The following SLC17A6 variants were observed in gnomAD, a reference collection of about 807,000 sequenced individuals.
SLC17A6 encodes solute carrier family 17 member 6.
In SLC17A6, 35 loss-of-function variants were observed where a neutral mutation model predicts 67.1. The observed-to-expected ratio is 0.52, with a 90% CI of 0.40 to 0.69. SLC17A6 has a LOEUF of 0.69. Ranked by LOEUF, SLC17A6 falls within the 30% of genes least tolerant of loss-of-function variation. The pLI, the probability that SLC17A6 is intolerant of heterozygous loss-of-function variation, is 0.00. For synonymous variants in SLC17A6, 285 were observed against 252.3 expected (o/e 1.13, Z -1.23); for missense variants, 588 against 723.9 (o/e 0.81, Z 2.15).
chr11:22,367,938 A>C, intron 7 of SLC17A6, among the ~76,000 whole-genome samples: 1 of 152,160 alleles, frequency 6.6e-6, no homozygotes, highest in Admixed American at 6.5e-5. Context: ...GTTAATTTGA[A>C]CTTTTTTTAT....
intron 3 of SLC17A6, among the ~76,000 whole-genome samples, 197 bp downstream of exon 3, chr11:22,343,562 G>A (rs1020207957): frequency 6.6e-6 from 1 of 152,144 alleles, no homozygotes; most frequent in African/African-American, 2.4e-5. Context: ...ACGAATGTAG[G>A]CTCTCTGGGA....
At chr11:22,362,611 T>C (rs1297194919) in intron 5 of SLC17A6, 128 bp from the exon 6 acceptor site, 1 of 710,376 alleles carries the variant, frequency 1.4e-6, no homozygotes, top group East Asian at 2.7e-5. Context: ...GGAGGGTATG[T>C]GCATGGGTGT....
Position 22,347,957 on chromosome 11 carries a change from C to G in SLC17A6, c.458+4592C>G, listed in dbSNP as rs547743945. ...CTTGACTTTTTCTAAAGAAAAAATA[C>G]TTCTTTATTTGAGTAAGACACTTAG... On this transcript the variant is annotated intron_variant, in intron 3 of 11. Transcript: ENST00000263160. Among the ~76,000 whole-genome samples, 10 of 152,226 alleles carry G rather than the reference C, an allele frequency of 6.6e-5. 1 individual carries two copies. The Middle Eastern group carries it at 0.014, about 207-fold the overall frequency.
intron 3 of SLC17A6, among the ~76,000 whole-genome samples, chr11:22,349,824 G>C (rs2133863076): frequency 6.6e-6 from 1 of 152,298 alleles, no homozygotes; most frequent in South Asian, 2.1e-4. Flanking sequence ...ATGTGACAAA[G>C]GGAGGCATCC....
intron 4 of SLC17A6, among the ~76,000 whole-genome samples, chr11:22,360,534 C>G (rs574152414): frequency 2.9e-5 from 4 of 139,778 alleles, no homozygotes; most frequent in African/African-American, 7.6e-5. Context: ...CTTCCCCCCC[C>G]CCCAAAAAAA....
At chr11:22,370,401 C>A (rs753800525) in intron 8 of SLC17A6, among the ~76,000 whole-genome samples, 1 of 152,102 alleles carries the variant, frequency 6.6e-6, no homozygotes, top group Non-Finnish European at 1.5e-5. Context: ...ACTGAGAATA[C>A]AGGCAAAACA....
chr11:22,349,106 C>G (rs1590381103), intron 3 of SLC17A6, among the ~76,000 whole-genome samples: 1 of 152,108 alleles, frequency 6.6e-6, no homozygotes, highest in East Asian at 1.9e-4. Context: ...ATATTTTTTC[C>G]TCTCTACTTA....
At chr11:22,374,926 C>T (rs1255258203) in intron 9 of SLC17A6, 39 bp downstream of exon 9, 1 of 1,576,052 alleles carries the variant, frequency 6.3e-7, no homozygotes, top group Non-Finnish European at 8.6e-7. Context: ...GTTTTTAGTT[C>T]AATCAGTTTA....
intron 4 of SLC17A6, among the ~76,000 whole-genome samples, chr11:22,360,223 G>A (rs1363259275): frequency 6.6e-6 from 1 of 151,956 alleles, no homozygotes; most frequent in African/African-American, 2.4e-5. Context: ...AACTAATGTA[G>A]GAACAGAAAA....
chr11:22,351,555 C>A (rs936011098), intron 3 of SLC17A6, among the ~76,000 whole-genome samples: 3 of 151,928 alleles, frequency 2.0e-5, no homozygotes, highest in African/African-American at 7.3e-5. Context: ...GGTTATGGAC[C>A]CCAGGATGTC....
intron 9 of SLC17A6, 63 bp from the exon 10 acceptor site, chr11:22,375,919 G>C (rs1856227553): frequency 8.7e-7 from 1 of 1,147,992 alleles, no homozygotes; most frequent in Admixed American, 1.8e-5. Context: ...ATTTTTAGCA[G>C]TTTTGGCTCA....
intron 3 of SLC17A6, among the ~76,000 whole-genome samples, chr11:22,344,979 A>G (rs1855859913): frequency 6.6e-6 from 1 of 151,780 alleles, no homozygotes; most frequent in African/African-American, 2.4e-5. Context: ...ACTGCAGGAG[A>G]AAAAAAAATC....
At chr11:22,354,759 A>G (rs376150410) in intron 3 of SLC17A6, among the ~76,000 whole-genome samples, 4 of 152,232 alleles carry the variant, frequency 2.6e-5, no homozygotes, top group African/African-American at 9.6e-5. Flanking sequence ...TGATGTTGGC[A>G]AGTTATTTTT....
intron 3 of SLC17A6, among the ~76,000 whole-genome samples, chr11:22,344,670 A>G (rs2133859624): frequency 6.6e-6 from 1 of 152,264 alleles, no homozygotes. Flanking sequence ...AAATCAATTT[A>G]TTGTGTATAT....
chr11:22,343,078 T>TG, intron 2 of SLC17A6, 169 bp from the exon 3 acceptor site: 1 of 700,920 alleles, frequency 1.4e-6, no homozygotes, highest in Non-Finnish European at 2.6e-6. Context: ...CAGGGTTTTT[T>TG]CGTTGCAAGA....
rs756854115 is a variant in SLC17A6 at position 22,377,741 on chromosome 11, C to G, written c.*1C>G. 6.5e-7 allele frequency: 1 copy of G among 1,541,562 alleles called. No homozygotes were observed. Among genetic ancestry groups the G allele is most frequent in the South Asian group, 1.3e-5 (1 of 79,926 alleles). On this transcript the variant is annotated 3_prime_UTR_variant, in exon 12 of 12. Transcript: ENST00000263160. The stretch of plus-strand genomic sequence containing the variant: ...TAAGGACCGAGTTGATTATTCATAA[C>G]AAAACTAATTACTGGATTTATTTTT...
chr11:22,344,879 T>C (rs185624927), intron 3 of SLC17A6, among the ~76,000 whole-genome samples: 3 of 152,308 alleles, frequency 2.0e-5, no homozygotes, highest in Non-Finnish European at 4.4e-5. Flanking sequence ...ATATATAGTC[T>C]TCACTCATTT....
intron 7 of SLC17A6, among the ~76,000 whole-genome samples, chr11:22,366,272 C>G (rs66974822): frequency 0.14 from 20,850 of 151,842 alleles, 1,691 homozygotes; most frequent in South Asian, 0.2. Context: ...ATGTGCCCCC[C>G]CCACCCTGTA....
At chr11:22,352,895 A>G (rs1855957628) in intron 3 of SLC17A6, among the ~76,000 whole-genome samples, 1 of 152,240 alleles carries the variant, frequency 6.6e-6, no homozygotes, top group African/African-American at 2.4e-5. Flanking sequence ...GGCACAGACT[A>G]AGAGGCTGAT....
Sources: allele counts gnomAD v4.1 joint callset (sites outside exome capture counted in the v4.1 genomes callset), GRCh38; gene constraint gnomAD v4.1.1; transcripts MANE v1.5; gene names NCBI Gene and HGNC (gene_info 2026-07-23, HGNC 2026-07-21).